The following SLC24A2 variants were observed in gnomAD, a reference collection of about 807,000 sequenced individuals.
SLC24A2 encodes the protein sodium/potassium/calcium exchanger 2.
Under a neutral mutation model 62.0 loss-of-function variants are expected in SLC24A2, and 36 were observed. That is an observed-to-expected ratio of 0.58 (90% CI 0.44 to 0.77). The LOEUF (loss-of-function observed/expected upper bound fraction) is 0.77. Among genes scored for constraint, SLC24A2 ranks in the 30% least tolerant of loss-of-function variants. SLC24A2 has a pLI of 0.00. For synonymous variants in SLC24A2, 358 were observed against 294.0 expected (o/e 1.22, Z -2.23); for missense variants, 846 against 817.9 (o/e 1.03, Z -0.42).
chr9:20,029,811 A>AGT, the SLC24A2 span, among the ~76,000 whole-genome samples: 1 of 151,552 alleles, frequency 6.6e-6, no homozygotes, highest in African/African-American at 2.4e-5. Flanking sequence ...GATATGGGTA[A>AGT]GTGTGTGTGT....
At chr9:20,148,615 T>G in the SLC24A2 span, among the ~76,000 whole-genome samples, 1 of 152,166 alleles carries the variant, frequency 6.6e-6, no homozygotes, top group Non-Finnish European at 1.5e-5. Context: ...AATGTCATTC[T>G]TGACATTTCA....
At chr9:19,805,070 T>C in the SLC24A2 span, among the ~76,000 whole-genome samples, 9 of 152,162 alleles carry the variant, frequency 5.9e-5, no homozygotes, top group African/African-American at 1.7e-4. Flanking sequence ...AGCATAGTGA[T>C]TGAACACAGA....
chr9:19,977,189 C>G, the SLC24A2 span, among the ~76,000 whole-genome samples: 1 of 150,978 alleles, frequency 6.6e-6, no homozygotes, highest in East Asian at 1.9e-4. Flanking sequence ...TTGCATCAGG[C>G]AAAATGGAAA....
intron 2 of SLC24A2, among the ~76,000 whole-genome samples, chr9:19,771,152 C>T (rs1234989057): frequency 1.3e-5 from 2 of 152,154 alleles, no homozygotes; most frequent in South Asian, 2.1e-4. Context: ...AGCATAACTG[C>T]CAATAACACT....
chr9:20,172,933 A>G, the SLC24A2 span, among the ~76,000 whole-genome samples: 1 of 152,100 alleles, frequency 6.6e-6, no homozygotes, highest in Non-Finnish European at 1.5e-5. Flanking sequence ...AAAAATCCTT[A>G]ACAAAATACT....
chr9:20,179,909 CA>C, the SLC24A2 span, among the ~76,000 whole-genome samples: 1 of 152,046 alleles, frequency 6.6e-6, no homozygotes, highest in Non-Finnish European at 1.5e-5. Flanking sequence ...CACTTATGAC[CA>C]AAAATTTTTC....
At chr9:20,267,299 C>T in the SLC24A2 span, among the ~76,000 whole-genome samples, 20 of 152,148 alleles carry the variant, frequency 1.3e-4, no homozygotes, top group African/African-American at 4.8e-4. Flanking sequence ...CCTCTAACCC[C>T]CACACCAACT....
At chr9:20,271,021 T>C in the SLC24A2 span, among the ~76,000 whole-genome samples, 1 of 152,148 alleles carries the variant, frequency 6.6e-6, no homozygotes, top group East Asian at 1.9e-4. Context: ...TAGCCTCCTG[T>C]CTCTTGCTTA....
chr9:19,731,143 A>C (rs993638595), intron 2 of SLC24A2, among the ~76,000 whole-genome samples: 1 of 152,196 alleles, frequency 6.6e-6, no homozygotes. Context: ...TCTCGATATC[A>C]AGCCCCAAAT....
the SLC24A2 span, among the ~76,000 whole-genome samples, chr9:20,126,447 G>A: frequency 1.3e-5 from 2 of 151,632 alleles, no homozygotes; most frequent in South Asian, 2.1e-4. Flanking sequence ...GTTTATCCAC[G>A]GCAATCAATC....
the SLC24A2 span, among the ~76,000 whole-genome samples, chr9:19,944,030 T>C: frequency 6.6e-6 from 1 of 152,202 alleles, no homozygotes; most frequent in Admixed American, 6.5e-5. Context: ...AAATACTGTA[T>C]GTTCTCACTT....
At chr9:19,679,065 T>G (rs967663596) in intron 2 of SLC24A2, among the ~76,000 whole-genome samples, 5 of 152,160 alleles carry the variant, frequency 3.3e-5, no homozygotes, top group African/African-American at 1.2e-4. Flanking sequence ...GATGAGAACA[T>G]CGACTTTTCC....
At chr9:19,837,620 G>A in the SLC24A2 span, among the ~76,000 whole-genome samples, 1 of 151,956 alleles carries the variant, frequency 6.6e-6, no homozygotes, top group African/African-American at 2.4e-5. Flanking sequence ...AAAAAAGGAA[G>A]TCAAATTGTC....
At chr9:19,569,315 C>A (rs1182768844) in intron 7 of SLC24A2, among the ~76,000 whole-genome samples, 2 of 152,210 alleles carry the variant, frequency 1.3e-5, no homozygotes, top group African/African-American at 4.8e-5. Context: ...ATCCTGGAAC[C>A]ACAGGTTCTT....
intron 2 of SLC24A2, among the ~76,000 whole-genome samples, chr9:19,733,764 G>T (rs999889378): frequency 6.6e-6 from 1 of 152,122 alleles, no homozygotes; most frequent in African/African-American, 2.4e-5. Flanking sequence ...TCTCTGTTGG[G>T]CACCTCTGAC....
intron 8 of SLC24A2, among the ~76,000 whole-genome samples, chr9:19,536,333 C>A (rs894516090): frequency 3.5e-5 from 5 of 142,888 alleles, no homozygotes; most frequent in East Asian, 2.1e-4. Flanking sequence ...GTATATCTCC[C>A]AATGCTATCC....
the SLC24A2 span, among the ~76,000 whole-genome samples, chr9:19,892,016 A>T: frequency 3.9e-5 from 6 of 152,066 alleles, no homozygotes; most frequent in Admixed American, 2.6e-4. Flanking sequence ...AACTCAGCTC[A>T]CCTCTTCAGA....
At chr9:19,921,169 T>C in the SLC24A2 span, among the ~76,000 whole-genome samples, 26 of 151,972 alleles carry the variant, frequency 1.7e-4, no homozygotes. Context: ...TCTCCTCACC[T>C]TTATTTGATA....
chr9:19,605,576 C>G (rs1836961249), intron 4 of SLC24A2, among the ~76,000 whole-genome samples: 1 of 152,152 alleles, frequency 6.6e-6, no homozygotes, highest in Non-Finnish European at 1.5e-5. Flanking sequence ...AGATATGGCA[C>G]ATGGTAAATA....
Sources: allele counts gnomAD v4.1 joint callset (sites outside exome capture counted in the v4.1 genomes callset), GRCh38; gene constraint gnomAD v4.1.1; transcripts MANE v1.5; gene names NCBI Gene and HGNC (gene_info 2026-07-23, HGNC 2026-07-21).